GALNT10: variants seen among roughly 807,000 people sequenced by gnomAD.
GALNT10 encodes the protein polypeptide N-acetylgalactosaminyltransferase 10.
Under a neutral mutation model 75.0 loss-of-function variants are expected in GALNT10, and 41 were observed. The ratio of observed to expected loss-of-function variants is 0.55; its 90% CI spans 0.43 to 0.71. The LOEUF (loss-of-function observed/expected upper bound fraction) is 0.71. Ranked by LOEUF, GALNT10 falls within the 30% of genes least tolerant of loss-of-function variation. The pLI, the probability that GALNT10 is intolerant of heterozygous loss-of-function variation, is 0.00. For synonymous variants in GALNT10, 302 were observed against 313.0 expected, an observed-to-expected ratio of 0.96 and a Z score of 0.37; for missense variants, 727 against 818.5, an observed-to-expected ratio of 0.89 and a Z score of 1.36.
At chr5:154,345,461 C>G (rs1334368526) in intron 4 of GALNT10, among the ~76,000 whole-genome samples, 2 of 152,006 alleles carry the variant, frequency 1.3e-5, no homozygotes, top group African/African-American at 2.4e-5. Flanking sequence ...TTCCCCCACC[C>G]GGAGCCCCTG....
Position 154,297,922 on chromosome 5 carries a change from A to G in GALNT10, c.263-19A>G, listed in dbSNP as rs1754305729. ...CCCCATACATCATTAGCAACATCGAATTTGCTCTTTGCTTCTAGGAAATGG... is the reference window on the plus strand; with the variant it reads ...CCCCATACATCATTAGCAACATCGAGTTTGCTCTTTGCTTCTAGGAAATGG... On this transcript the variant is annotated intron_variant, in intron 2 of 11. Coordinates refer to ENST00000297107, the MANE Select transcript of GALNT10 (RefSeq NM_198321.4). 6.2e-7 allele frequency: 1 copy of G among 1,610,472 alleles called. No individual in the cohort carries two copies. Among genetic ancestry groups the G allele is most frequent in the East Asian group, 2.2e-5 (1 of 44,838 alleles).
chr5:154,413,129 G>A, intron 10 of GALNT10, 124 bp downstream of exon 10: 2 of 662,106 alleles, frequency 3.0e-6, no homozygotes, highest in Non-Finnish European at 5.3e-6. Context: ...GTCAGCCCCG[G>A]GGATGAGTTT....
chr5:154,209,387 G>A (rs897936970), intron 1 of GALNT10, among the ~76,000 whole-genome samples: 3 of 152,244 alleles, frequency 2.0e-5, no homozygotes, highest in African/African-American at 7.2e-5. Flanking sequence ...ATAGCAGGCA[G>A]TGAAGGTGGG....
chr5:154,271,335 G>A (rs1581949035), intron 1 of GALNT10, among the ~76,000 whole-genome samples: 1 of 151,936 alleles, frequency 6.6e-6, no homozygotes, highest in South Asian at 2.1e-4. Flanking sequence ...GCGTGGTGGC[G>A]GGTGCCTGTA....
In GALNT10 at chr5:154,298,067, T is replaced by A. The variant is rs369164195; in HGVS notation, c.389T>A (p.Ile130Asn). The A allele has an allele frequency of 1.4e-5, 23 of 1,613,158 alleles. No individual in the cohort carries two copies. Among genetic ancestry groups the A allele is most frequent in the Non-Finnish European group, 1.8e-5 (21 of 1,179,532 alleles). Reference sequence around the variant, plus strand: ...TCCTTGAATCGCTCTCTCCCAGATATCCGGCACCCAAAGTGAGTGTAACAT... The same window carrying A: ...TCCTTGAATCGCTCTCTCCCAGATAACCGGCACCCAAAGTGAGTGTAACAT... Reference protein sequence around the residue: ...KISLNRSLPDIRHPNCNSKRY... With the variant: ...KISLNRSLPDNRHPNCNSKRY... The change falls in exon 3 of 12, where the codon ATC becomes AAC. Residue 130 changes from isoleucine (I) to asparagine (N), a missense_variant. Transcript: ENST00000297107. This position sits in a 1 kb window ranked among gnomAD's most constrained non-coding sequence, Gnocchi z 4.1.
chr5:154,394,611 G>A (rs17116065), intron 7 of GALNT10, among the ~76,000 whole-genome samples: 9,792 of 152,228 alleles, frequency 0.064, 367 homozygotes, highest in East Asian at 0.14. Context: ...AGAGAGGCCC[G>A]TGTTCCAGGA....
At position 154,386,391 on chromosome 5, in the gene GALNT10, G is replaced by A. The variant is rs146500512; in HGVS notation, c.1017G>A (p.Leu339=). 5 of 1,613,578 alleles carry A rather than the reference G, an allele frequency of 3.1e-6. No homozygotes were observed. In the African/African-American group the frequency reaches 5.3e-5, roughly 17 times the overall value. The part of the protein sequence containing the change: ...FWELGGYDPG[L]EIWGGEQYEI... Reference sequence around the variant, plus strand: ...AACTCGGCGGGTATGACCCAGGCTTGGAGATCTGGGGAGGGGAGCAGTATG... The same window carrying A: ...AACTCGGCGGGTATGACCCAGGCTTAGAGATCTGGGGAGGGGAGCAGTATG... Residue 339 remains leucine (L), a synonymous_variant, in exon 7 of 12, where the codon TTG becomes TTA. Transcript: ENST00000297107.
chr5:154,351,872 G>A (rs1755207692), intron 4 of GALNT10, among the ~76,000 whole-genome samples: 1 of 152,122 alleles, frequency 6.6e-6, no homozygotes, highest in African/African-American at 2.4e-5. Flanking sequence ...TTTATTTTCT[G>A]GTTCCTGCTC....
At chr5:154,324,412 G>C (rs1044410214) in intron 3 of GALNT10, among the ~76,000 whole-genome samples, 5 of 152,360 alleles carry the variant, frequency 3.3e-5, no homozygotes, top group African/African-American at 1.2e-4. Flanking sequence ...CTCAGCTGCA[G>C]AGTTCCTGGT....
chr5:154,266,432 C>T (rs549678880), intron 1 of GALNT10, among the ~76,000 whole-genome samples: 77 of 152,184 alleles, frequency 5.1e-4, no homozygotes, highest in African/African-American at 1.8e-3. Context: ...ATGGATTTCA[C>T]ATGCACTTGT....
Position 154,247,394 on chromosome 5 carries a change from C to T in GALNT10, c.160-47422C>T, listed in dbSNP as rs1204915762. Among the ~76,000 whole-genome samples, 3 of 152,264 alleles carry T rather than the reference C, an allele frequency of 2.0e-5. No individual in the cohort carries two copies. The East Asian group carries it at 5.8e-4, about 29-fold the overall frequency. On this transcript the variant is annotated intron_variant, in intron 1 of 11. Transcript: ENST00000297107. ...GGATGGCATTGAATCTATCAATTAC[C>T]TTGGGCAGTATGGCCATTTTCATGA...
chr5:154,347,138 G>T (rs756937576), intron 4 of GALNT10: 8 of 515,886 alleles, frequency 1.6e-5, no homozygotes, highest in Non-Finnish European at 1.6e-5. Flanking sequence ...GTTCATTTAT[G>T]ATCTCACCGA....
At chr5:154,364,115 G>GGATTC (rs1755438668) in intron 4 of GALNT10, among the ~76,000 whole-genome samples, 1 of 152,190 alleles carries the variant, frequency 6.6e-6, no homozygotes, top group Non-Finnish European at 1.5e-5. Context: ...GAATAGAATA[G>GGATTC]GATTCCTGGA....
chr5:154,415,689 T>C lies in GALNT10; in HGVS notation c.1504-94T>C, dbSNP rs1756488825. 3 of 1,180,190 alleles carry C rather than the reference T, an allele frequency of 2.5e-6. No individual in the cohort carries two copies. The East Asian group carries it at 7.1e-5, about 28-fold the overall frequency. 73.1% of individuals were successfully genotyped at this position (1,180,190 alleles called of 1,614,324 possible). A position where few individuals can be genotyped will look rare whatever the true frequency, so the allele number is the denominator to read the frequency against. On this transcript the variant is annotated intron_variant, in intron 10 of 11. Transcript: ENST00000297107. ...AGGTTAATATATTATTATTTGGACC[T>C]CTGAGTTTAAATTTTTCCATAATTT...
chr5:154,221,727 C>A (rs1469504220), intron 1 of GALNT10, among the ~76,000 whole-genome samples: 1 of 152,224 alleles, frequency 6.6e-6, no homozygotes, highest in Non-Finnish European at 1.5e-5. Context: ...ACGAAGGCAA[C>A]CTCAAAAAGC....
chr5:154,298,217 C>A lies in GALNT10; in HGVS notation c.401+138C>A, dbSNP rs1754310685. 1 of 787,844 alleles carries A rather than the reference C, an allele frequency of 1.3e-6. No homozygotes were observed. The highest frequency in any genetic ancestry group is 3.8e-4 in the Middle Eastern group (1 of 2,622). The allele number at this position is 787,844 out of a possible 1,614,324, so 48.8% of individuals were successfully genotyped here. ...TTTCACAGGCATTTGTGCAAAGGTT[C>A]ATGGTGTTGAGGGGTAGGAGATAAT... On this transcript the variant is annotated intron_variant, in intron 3 of 11. Transcript: ENST00000297107. The surrounding 1 kb of genome is among the most constrained non-coding windows in gnomAD (Gnocchi z 4.1).
At chr5:154,299,852 T>TTTC (rs1491373561) in intron 3 of GALNT10, among the ~76,000 whole-genome samples, 2 of 142,474 alleles carry the variant, frequency 1.4e-5, no homozygotes, top group African/African-American at 5.2e-5. Flanking sequence ...TTTTTTTTTT[T>TTTC]GAGACAGGGT....
intron 1 of GALNT10, among the ~76,000 whole-genome samples, chr5:154,213,193 A>G (rs568068095): frequency 6.6e-6 from 1 of 152,190 alleles, no homozygotes; most frequent in Non-Finnish European, 1.5e-5. Flanking sequence ...AAACACAGCT[A>G]TGCTCTCCTT....
chr5:154,378,820 A>T (rs1755694657), intron 5 of GALNT10, among the ~76,000 whole-genome samples: 1 of 152,212 alleles, frequency 6.6e-6, no homozygotes, highest in Non-Finnish European at 1.5e-5. Flanking sequence ...TGCCTCCCAC[A>T]ATCAGCCAGC....
Sources: gnomAD v4.1 joint callset for allele counts (sites outside exome capture counted in the v4.1 genomes callset) on GRCh38, gnomAD v4.1.1 for gene constraint, Gnocchi (gnomAD v3.1) non-coding constraint, MANE v1.5 for transcripts, NCBI Gene and HGNC (gene_info 2026-07-23, HGNC 2026-07-21) for gene names.